GID4: variants seen among roughly 807,000 people sequenced by gnomAD.
GID4 encodes the protein glucose-induced degradation protein 4 homolog.
In GID4, 7 loss-of-function variants were observed where a neutral mutation model predicts 32.4. That is an observed-to-expected ratio of 0.22 (90% CI 0.12 to 0.41). The LOEUF (loss-of-function observed/expected upper bound fraction) is 0.41. GID4 is among the 10% of genes least tolerant of loss of function. The pLI is 1.00. For synonymous variants in GID4, 166 were observed against 170.0 expected, an observed-to-expected ratio of 0.98 and a Z score of 0.18; for missense variants, 309 against 400.0, an observed-to-expected ratio of 0.77 and a Z score of 1.94.
intron 1 of GID4, among the ~76,000 whole-genome samples, chr17:18,041,436 G>A (rs918617378): frequency 3.9e-5 from 6 of 152,104 alleles, no homozygotes; most frequent in Non-Finnish European, 8.8e-5. Context: ...AAACAGCATC[G>A]TCATGTTAAT....
intron 3 of GID4, among the ~76,000 whole-genome samples, chr17:18,056,016 G>A (rs556055869): frequency 6.6e-6 from 1 of 152,040 alleles, no homozygotes; most frequent in East Asian, 1.9e-4. Context: ...CACCGTGCCT[G>A]GCTAATTTTT....
chr17:18,059,074 C>T, intron 4 of GID4, 105 bp downstream of exon 4: 1 of 662,758 alleles, frequency 1.5e-6, no homozygotes, highest in Non-Finnish European at 2.7e-6. Flanking sequence ...GTGCTCGTCA[C>T]AGCTGGTTGT....
intron 2 of GID4, among the ~76,000 whole-genome samples, chr17:18,053,003 T>G (rs2044927572): frequency 7.4e-6 from 1 of 134,618 alleles, no homozygotes; most frequent in African/African-American, 2.7e-5. Flanking sequence ...CTGAAAAAAG[T>G]ATTTACTTTT....
rs552095856 is a variant in GID4 at position 18,050,324 on chromosome 17, T to C, written c.499-3803T>C. ...CACATTGCAAAACGGAGCTTTAAAG[T>C]TTGTTTTCATGCCTTCTGGAAGTGA... On this transcript the variant is annotated intron_variant, in intron 2 of 5. Coordinates refer to ENST00000268719, the MANE Select transcript of GID4 (RefSeq NM_024052.5). 3.3e-5 allele frequency among the ~76,000 whole-genome samples: 5 copies of C among 152,354 alleles called. No individual in the cohort carries two copies. In the East Asian group the frequency reaches 9.6e-4, roughly 29 times the overall value.
intron 1 of GID4, among the ~76,000 whole-genome samples, chr17:18,043,084 C>G (rs1365817119): frequency 4.6e-5 from 7 of 152,124 alleles, no homozygotes; most frequent in Middle Eastern, 3.2e-3. Context: ...GAGCCCTGGT[C>G]GCTGTGAAAG....
In GID4 at chr17:18,041,352, T is replaced by G. The variant is rs571857193; in HGVS notation, c.438+1450T>G. Among the ~76,000 whole-genome samples, 24 of 152,372 alleles carry G rather than the reference T, an allele frequency of 1.6e-4. No homozygotes were observed. The South Asian group carries it at 4.8e-3, about 30-fold the overall frequency. On this transcript the variant is annotated intron_variant, in intron 1 of 5. Transcript: ENST00000268719. ...CAATGAGGGTGCCTTTTCTTTCTGC[T>G]AACTGCGGAGCACTCATCACTCTTT... is the stretch of plus-strand genomic sequence containing the variant.
intron 3 of GID4, among the ~76,000 whole-genome samples, chr17:18,055,304 T>C (rs943937098): frequency 6.6e-6 from 1 of 152,170 alleles, no homozygotes. Context: ...CAGAAATGGC[T>C]GTGTCAGTAG....
rs1183862074 is a variant in GID4 at position 18,039,642 on chromosome 17, C to T, written c.178C>T (p.Leu60Phe). ...CCCCGGCCTCTCCCTCCCCGCCACC[C>T]TCCTCGGCTCCCGCGCGGCGGCGGC... ...ARPGLSLPAT[L>F]LGSRAAAAVP... Residue 60 changes from leucine to phenylalanine, a missense_variant, in exon 1 of 6, where the codon CTC (leucine) becomes TTC (phenylalanine). Leu to Phe is a conservative substitution (Grantham distance 22). This residue lies in a region of GID4 where 193 missense variants were observed against 185.8 expected (regional missense o/e 1.04). Transcript: ENST00000268719. This position sits in a 1 kb window ranked among gnomAD's most constrained non-coding sequence, Gnocchi z 5.3. 3.0e-6 allele frequency: 4 copies of T among 1,347,142 alleles called. No individual in the cohort carries two copies. Among genetic ancestry groups the T allele is most frequent in the Non-Finnish European group, 3.8e-6 (4 of 1,053,102 alleles). 83.4% of individuals were successfully genotyped at this position (1,347,142 alleles called of 1,614,324 possible). A position where few individuals can be genotyped will look rare whatever the true frequency, so the allele number is the denominator to read the frequency against.
chr17:18,051,469 G>A (rs983957752), intron 2 of GID4, among the ~76,000 whole-genome samples: 22 of 151,904 alleles, frequency 1.4e-4, no homozygotes, highest in African/African-American at 5.1e-4. Flanking sequence ...ACGAGGTTAG[G>A]AGTTCAAGAC....
chr17:18,043,447 A>G (rs921460706), intron 1 of GID4, among the ~76,000 whole-genome samples: 4 of 152,370 alleles, frequency 2.6e-5, no homozygotes, highest in African/African-American at 9.6e-5. Flanking sequence ...TGAGAATTGC[A>G]TACATGAAAT....
Position 18,067,627 on chromosome 17 carries a change from C to T in GID4, c.*2384C>T, listed in dbSNP as rs555616339. 3.9e-5 allele frequency: 6 copies of T among 152,746 alleles called. No individual in the cohort carries two copies. The highest frequency in any genetic ancestry group is 1.2e-4 in the African/African-American group (5 of 41,566). The allele number at this position is 152,746 out of a possible 1,614,324, so 9.5% of individuals were successfully genotyped here. A position where few individuals can be genotyped will look rare whatever the true frequency, so the allele number is the denominator to read the frequency against. On this transcript the variant is annotated 3_prime_UTR_variant, in exon 6 of 6. Coordinates refer to ENST00000268719, the MANE Select transcript of GID4 (RefSeq NM_024052.5). ...TTACCAACATCAACTTCTTTCTCTCCGTTCCTGAAGGAACTTTGGGGAATC... is the reference window on the plus strand; with the variant it reads ...TTACCAACATCAACTTCTTTCTCTCTGTTCCTGAAGGAACTTTGGGGAATC...
chr17:18,060,138 G>T (rs541735934), intron 4 of GID4, among the ~76,000 whole-genome samples: 2 of 146,548 alleles, frequency 1.4e-5, no homozygotes, highest in Admixed American at 1.4e-4. Flanking sequence ...GGTGGCTCAT[G>T]CCTGTAATCC....
intron 5 of GID4, among the ~76,000 whole-genome samples, chr17:18,064,193 T>C (rs2045040668): frequency 6.6e-6 from 1 of 152,178 alleles, no homozygotes; most frequent in Admixed American, 6.6e-5. Context: ...GGAGTGAAAT[T>C]GCTAGGTCAT....
chr17:18,048,618 T>A (rs2145556514), intron 2 of GID4, among the ~76,000 whole-genome samples: 1 of 152,282 alleles, frequency 6.6e-6, no homozygotes, highest in African/African-American at 2.4e-5. Flanking sequence ...TTTCCATTTA[T>A]GTTTGTTAAA....
intron 5 of GID4, 142 bp from the exon 6 acceptor site, chr17:18,065,038 A>G: frequency 1.5e-6 from 1 of 666,154 alleles, no homozygotes; most frequent in African/African-American, 1.8e-5. Context: ...ACTAGGTTCA[A>G]CTTGAGAAAT....
At chr17:18,065,091 G>C in intron 5 of GID4, 89 bp from the exon 6 acceptor site, 1 of 890,618 alleles carries the variant, frequency 1.1e-6, no homozygotes, top group Non-Finnish European at 1.9e-6. Flanking sequence ...TGACTTGTTG[G>C]GTGCTCTGCT....
intron 4 of GID4, 51 bp downstream of exon 4, chr17:18,059,020 A>G (rs746602285): frequency 1.3e-5 from 13 of 1,018,814 alleles, no homozygotes; most frequent in African/African-American, 4.7e-5. Flanking sequence ...CAGGCCCTGT[A>G]TCGCACCTAC....
chr17:18,060,226 C>T (rs1034518113), intron 4 of GID4, among the ~76,000 whole-genome samples: 3 of 151,520 alleles, frequency 2.0e-5, no homozygotes, highest in Non-Finnish European at 4.4e-5. Context: ...GGTGAAACCC[C>T]GTCTTTACTA....
Position 18,039,616 on chromosome 17 carries a change from G to A in GID4, c.152G>A (p.Arg51His). The change falls in exon 1 of 6, where the codon CGC becomes CAC. Residue 51 changes from arginine to histidine, a missense_variant. Arg to His is a conservative substitution (Grantham distance 29). Coordinates refer to ENST00000268719, the MANE Select transcript of GID4 (RefSeq NM_024052.5). The surrounding 1 kb of genome is among the most constrained non-coding windows in gnomAD (Gnocchi z 5.3). ...TCCCGCCCCCACCCCGCGCGTGCGC[G>A]CCCCGGCCTCTCCCTCCCCGCCACC... The part of the protein sequence containing the change: ...RPSRPHPARA[R>H]PGLSLPATLL... The A allele has an allele frequency of 5.2e-6, 6 of 1,159,222 alleles. No individual in the cohort carries two copies. Among genetic ancestry groups the A allele is most frequent in the Non-Finnish European group, 6.4e-6 (6 of 934,794 alleles). The allele number at this position is 1,159,222 out of a possible 1,614,324, so 71.8% of individuals were successfully genotyped here. A position where few individuals can be genotyped will look rare whatever the true frequency, so the allele number is the denominator to read the frequency against.
Sources: allele counts gnomAD v4.1 joint callset (sites outside exome capture counted in the v4.1 genomes callset), GRCh38; gene constraint gnomAD v4.1.1; regional missense constraint gnomAD v4.1.1; non-coding constraint Gnocchi (gnomAD v3.1); transcripts MANE v1.5; gene names NCBI Gene and HGNC (gene_info 2026-07-23, HGNC 2026-07-21).